Variants in SCHIP1 observed in about 807,000 individuals in gnomAD.
SCHIP1 encodes the protein schwannomin interacting protein 1.
In SCHIP1, 8 loss-of-function variants were observed where a neutral mutation model predicts 29.7. The ratio of observed to expected loss-of-function variants is 0.27; its 90% CI spans 0.16 to 0.49. SCHIP1 has a LOEUF of 0.49. Ranked by LOEUF, SCHIP1 falls within the 20% of genes least tolerant of loss-of-function variation. SCHIP1 has a pLI of 0.99. For synonymous variants in SCHIP1, 76 were observed against 94.9 expected, an observed-to-expected ratio of 0.80 and a Z score of 1.16; for missense variants, 193 against 294.6, an observed-to-expected ratio of 0.66 and a Z score of 2.52.
At chr3:159,534,065 G>T in the SCHIP1 span, among the ~76,000 whole-genome samples, 1 of 152,164 alleles carries the variant, frequency 6.6e-6, no homozygotes, top group African/African-American at 2.4e-5. Flanking sequence ...TTCCATGGGG[G>T]TAAAAGACAA....
At chr3:159,599,786 T>A in the SCHIP1 span, among the ~76,000 whole-genome samples, 5 of 152,216 alleles carry the variant, frequency 3.3e-5, no homozygotes, top group Non-Finnish European at 7.3e-5. Flanking sequence ...GGCTTTCTCA[T>A]CCTTCTTTGT....
chr3:159,834,551 C>G, the SCHIP1 span, among the ~76,000 whole-genome samples: 19 of 152,210 alleles, frequency 1.2e-4, no homozygotes, highest in Middle Eastern at 3.4e-3. Context: ...TGTGTTTCTG[C>G]GAAGCATTTT....
At chr3:159,561,745 A>G in the SCHIP1 span, among the ~76,000 whole-genome samples, 4 of 152,164 alleles carry the variant, frequency 2.6e-5, no homozygotes, top group Non-Finnish European at 5.9e-5. Context: ...ACTTAAGTAG[A>G]TGGTGGTTTA....
chr3:159,596,022 A>G, the SCHIP1 span, among the ~76,000 whole-genome samples: 2 of 152,382 alleles, frequency 1.3e-5, 1 homozygote, highest in South Asian at 4.1e-4. Context: ...GGCAACCTAC[A>G]GAATGGGAGA....
At chr3:159,510,232 T>A in the SCHIP1 span, among the ~76,000 whole-genome samples, 1 of 152,240 alleles carries the variant, frequency 6.6e-6, no homozygotes, top group Non-Finnish European at 1.5e-5. Context: ...CTTCCTTCAC[T>A]GATACCCTTT....
the SCHIP1 span, among the ~76,000 whole-genome samples, chr3:159,437,986 A>G: frequency 5.3e-5 from 8 of 152,228 alleles, no homozygotes; most frequent in Admixed American, 4.6e-4. Flanking sequence ...CAGCTATAAA[A>G]TGGGGGATAG....
At chr3:159,308,339 A>T in the SCHIP1 span, among the ~76,000 whole-genome samples, 1 of 152,196 alleles carries the variant, frequency 6.6e-6, no homozygotes, top group Non-Finnish European at 1.5e-5. Flanking sequence ...AGCAAAAATC[A>T]AATAACCCCA....
chr3:159,496,323 C>T, the SCHIP1 span, among the ~76,000 whole-genome samples: 10 of 152,136 alleles, frequency 6.6e-5, no homozygotes, highest in South Asian at 4.1e-4. Context: ...AGGCAACCTA[C>T]GAAATGGGAG....
the SCHIP1 span, among the ~76,000 whole-genome samples, chr3:159,658,817 T>C: frequency 7.9e-5 from 12 of 152,202 alleles, no homozygotes; most frequent in Non-Finnish European, 1.5e-4. Context: ...ATCTCTAATA[T>C]TTCCCCCTAC....
the SCHIP1 span, among the ~76,000 whole-genome samples, chr3:159,512,689 A>T: frequency 6.6e-6 from 1 of 152,222 alleles, no homozygotes; most frequent in Non-Finnish European, 1.5e-5. Context: ...AGCATTTATC[A>T]TTTGAGTGAC....
chr3:159,392,587 T>A, the SCHIP1 span, among the ~76,000 whole-genome samples: 1 of 151,970 alleles, frequency 6.6e-6, no homozygotes, highest in Admixed American at 6.6e-5. Context: ...CTTGTGATAG[T>A]TTACTGAGAA....
At chr3:159,408,831 C>T in the SCHIP1 span, among the ~76,000 whole-genome samples, 1 of 152,082 alleles carries the variant, frequency 6.6e-6, no homozygotes, top group Admixed American at 6.6e-5. Context: ...AAAGACACAT[C>T]AAAGAAAGAA....
At chr3:159,539,199 T>C in the SCHIP1 span, among the ~76,000 whole-genome samples, 1 of 152,216 alleles carries the variant, frequency 6.6e-6, no homozygotes, top group Non-Finnish European at 1.5e-5. Context: ...TCTAAAGAGA[T>C]CTTTTTTTGT....
the SCHIP1 span, among the ~76,000 whole-genome samples, chr3:159,692,075 G>A: frequency 7.1e-6 from 1 of 141,376 alleles, no homozygotes; most frequent in Non-Finnish European, 1.5e-5. Context: ...AGGCCGGACT[G>A]CGGACTGCAG....
At chr3:159,504,196 ACTTCT>A in the SCHIP1 span, among the ~76,000 whole-genome samples, 1 of 152,184 alleles carries the variant, frequency 6.6e-6, no homozygotes, top group Non-Finnish European at 1.5e-5. Flanking sequence ...TGAAATTATC[ACTTCT>A]CTTCTTTTAA....
At chr3:159,432,903 G>A in the SCHIP1 span, among the ~76,000 whole-genome samples, 2 of 152,120 alleles carry the variant, frequency 1.3e-5, no homozygotes, top group African/African-American at 4.8e-5. Context: ...TATGTTGCAG[G>A]AGAAACAATG....
At chr3:159,803,924 A>C in the SCHIP1 span, among the ~76,000 whole-genome samples, 1 of 152,258 alleles carries the variant, frequency 6.6e-6, no homozygotes, top group Non-Finnish European at 1.5e-5. Flanking sequence ...TTAGAAGCTC[A>C]GAAACAAAGT....
the SCHIP1 span, among the ~76,000 whole-genome samples, chr3:159,362,485 CA>C: frequency 6.6e-6 from 1 of 152,164 alleles, no homozygotes; most frequent in East Asian, 1.9e-4. Context: ...TGGAATAAGT[CA>C]GATCTTTCAT....
At chr3:159,596,065 C>G in the SCHIP1 span, among the ~76,000 whole-genome samples, 1 of 152,112 alleles carries the variant, frequency 6.6e-6, no homozygotes, top group Non-Finnish European at 1.5e-5. Context: ...TGACAAAGGG[C>G]TAATATCCAG....
Sources: gnomAD v4.1 joint callset for allele counts (sites outside exome capture counted in the v4.1 genomes callset) on GRCh38, gnomAD v4.1.1 for gene constraint, MANE v1.5 for transcripts, NCBI Gene and HGNC (gene_info 2026-07-23, HGNC 2026-07-21) for gene names.